The following GALNT14 variants were observed in gnomAD, a reference collection of about 807,000 sequenced individuals.
GALNT14 encodes the protein UDP-GalNAc:polypeptide N-acetylgalactosaminyltransferase 14.
GALNT14 carries 60 observed loss-of-function variants against 77.5 expected under a neutral mutation model. The observed-to-expected ratio is 0.77, with a 90% CI of 0.63 to 0.96. The LOEUF (loss-of-function observed/expected upper bound fraction) is 0.96, where lower values mean the gene tolerates loss of function less well. GALNT14 is among the 40% of genes least tolerant of loss of function. The pLI is 0.00. For missense variants in GALNT14, 710 were observed against 731.0 expected (o/e 0.97, Z 0.33); for synonymous variants, 280 against 281.7 (o/e 0.99, Z 0.06).
chr2:30,992,514 C>T (rs561177525), intron 2 of GALNT14, among the ~76,000 whole-genome samples: 1 of 152,170 alleles, frequency 6.6e-6, no homozygotes, highest in Admixed American at 6.5e-5. Flanking sequence ...CAGGGAAAAA[C>T]AGGCCTTGGC....
chr2:30,893,902 TTCTTG>T, the GALNT14 span, among the ~76,000 whole-genome samples: 4 of 152,342 alleles, frequency 2.6e-5, no homozygotes, highest in Middle Eastern at 3.4e-3. Flanking sequence ...ACCTTAGCTT[TTCTTG>T]TCTTGATTGG....
At chr2:31,076,612 C>CATATATATATATATATATAT (rs59824499) in intron 1 of GALNT14, among the ~76,000 whole-genome samples, 7 of 143,332 alleles carry the variant, frequency 4.9e-5, no homozygotes, top group African/African-American at 1.8e-4. Flanking sequence ...GGTGTGTATA[C>CATATATATATATATATATAT]ATATATATAT....
intron 1 of GALNT14, among the ~76,000 whole-genome samples, chr2:31,086,365 C>T (rs919734965): frequency 6.6e-6 from 1 of 152,218 alleles, no homozygotes; most frequent in African/African-American, 2.4e-5. Context: ...CTCAGCCATG[C>T]TCCTCATCAC....
intron 9 of GALNT14, among the ~76,000 whole-genome samples, chr2:30,940,792 C>A (rs1274217606): frequency 1.3e-5 from 2 of 152,168 alleles, no homozygotes; most frequent in Non-Finnish European, 2.9e-5. Flanking sequence ...ACACCAACAG[C>A]CCCCTATCAC....
intron 1 of GALNT14, among the ~76,000 whole-genome samples, chr2:31,058,487 C>A (rs1216648542): frequency 3.9e-5 from 6 of 152,148 alleles, no homozygotes; most frequent in South Asian, 4.1e-4. Context: ...GGGTCAGAAT[C>A]ATCTAGGGAA....
At chr2:31,061,320 G>T (rs1023037371) in intron 1 of GALNT14, among the ~76,000 whole-genome samples, 1 of 151,802 alleles carries the variant, frequency 6.6e-6, no homozygotes, top group East Asian at 1.9e-4. Context: ...TCTCTTTCTC[G>T]ACCATCAAAT....
intron 1 of GALNT14, among the ~76,000 whole-genome samples, chr2:31,068,939 C>T (rs2148558606): frequency 6.6e-6 from 1 of 152,266 alleles, no homozygotes; most frequent in Non-Finnish European, 1.5e-5. Context: ...ATGAAATGTC[C>T]AGAATAGGCA....
At chr2:31,043,728 C>A (rs1237483676) in intron 1 of GALNT14, among the ~76,000 whole-genome samples, 1 of 152,096 alleles carries the variant, frequency 6.6e-6, no homozygotes, top group Non-Finnish European at 1.5e-5. Context: ...GGGCCTGTTA[C>A]CTACTAGGTC....
intron 7 of GALNT14, 58 bp from the exon 8 acceptor site, chr2:30,945,000 C>T (rs1666603768): frequency 1.4e-6 from 2 of 1,447,320 alleles, no homozygotes; most frequent in Non-Finnish European, 1.9e-6. Flanking sequence ...GCTCATTCTG[C>T]ACCCTCTCCA....
chr2:30,967,021 G>A (rs1003802220), intron 2 of GALNT14, among the ~76,000 whole-genome samples: 2 of 152,196 alleles, frequency 1.3e-5, no homozygotes, highest in Non-Finnish European at 2.9e-5. Flanking sequence ...GGTGGCACCA[G>A]GGGCTATCAC....
At chr2:31,027,918 G>A (rs866011651) in intron 1 of GALNT14, among the ~76,000 whole-genome samples, 3 of 151,570 alleles carry the variant, frequency 2.0e-5, no homozygotes, top group East Asian at 1.9e-4. Flanking sequence ...GTGTGTGTGT[G>A]CACGCATGCA....
the GALNT14 span, among the ~76,000 whole-genome samples, chr2:30,904,913 G>T: frequency 1.3e-5 from 2 of 152,002 alleles, no homozygotes; most frequent in South Asian, 4.2e-4. Flanking sequence ...CCTGACCCCT[G>T]AGCAGCCTAA....
intron 1 of GALNT14, among the ~76,000 whole-genome samples, chr2:31,019,387 C>G (rs1002141829): frequency 6.6e-6 from 1 of 152,138 alleles, no homozygotes; most frequent in Non-Finnish European, 1.5e-5. Flanking sequence ...AACTGCAGAG[C>G]CTAGTACCTG....
At chr2:31,084,483 A>G (rs1425728624) in intron 1 of GALNT14, among the ~76,000 whole-genome samples, 1 of 152,224 alleles carries the variant, frequency 6.6e-6, no homozygotes, top group African/African-American at 2.4e-5. Context: ...TGATGTGTCT[A>G]GCTCCAGATG....
intron 3 of GALNT14, among the ~76,000 whole-genome samples, chr2:30,961,266 G>A (rs1667674542): frequency 1.3e-5 from 2 of 152,212 alleles, no homozygotes; most frequent in Admixed American, 1.3e-4. Flanking sequence ...ATTTGAAATT[G>A]CTTTGTGAAC....
At chr2:30,977,287 C>T (rs1668692335) in intron 2 of GALNT14, among the ~76,000 whole-genome samples, 1 of 152,118 alleles carries the variant, frequency 6.6e-6, no homozygotes, top group African/African-American at 2.4e-5. Context: ...GACAGGGTTT[C>T]ACCATGTTGG....
intron 1 of GALNT14, among the ~76,000 whole-genome samples, chr2:31,086,210 C>A (rs539740604): frequency 1.3e-5 from 2 of 152,338 alleles, no homozygotes; most frequent in South Asian, 4.1e-4. Flanking sequence ...CTACTCTGGA[C>A]TAAACCTTGG....
At chr2:30,918,152 G>A (rs577884601) in intron 13 of GALNT14, among the ~76,000 whole-genome samples, 34 of 152,270 alleles carry the variant, frequency 2.2e-4, no homozygotes, top group African/African-American at 7.9e-4. Flanking sequence ...CACTTTTGGG[G>A]TCTTTTCTTT....
At chr2:30,887,220 T>A in the GALNT14 span, among the ~76,000 whole-genome samples, 5 of 152,214 alleles carry the variant, frequency 3.3e-5, no homozygotes, top group Non-Finnish European at 7.3e-5. Context: ...CTTTTCAGTT[T>A]TTTTCAGGGA....
Sources: gnomAD v4.1 joint callset for allele counts (sites outside exome capture counted in the v4.1 genomes callset) on GRCh38, gnomAD v4.1.1 for gene constraint, MANE v1.5 for transcripts, NCBI Gene and HGNC (gene_info 2026-07-23, HGNC 2026-07-21) for gene names.